EFCAB13: variants seen among roughly 807,000 people sequenced by gnomAD.
EFCAB13 encodes the protein EF-hand calcium binding domain 13, also known as EF-hand calcium-binding domain-containing protein 13.
In EFCAB13, 91 loss-of-function variants were observed where a neutral mutation model predicts 110.2. The observed-to-expected ratio is 0.83, with a 90% confidence interval of 0.70 to 0.98. The LOEUF (loss-of-function observed/expected upper bound fraction) is 0.98. EFCAB13 is among the 50% of genes least tolerant of loss of function. The pLI, the probability that EFCAB13 is intolerant of heterozygous loss-of-function variation, is 0.00. For missense variants in EFCAB13, 968 were observed against 1,119.4 expected (o/e 0.86, Z 1.93); for synonymous variants, 323 against 369.9 (o/e 0.87, Z 1.45).
At chr17:47,434,653 G>A (rs1905180006) in intron 24 of EFCAB13, among the ~76,000 whole-genome samples, 1 of 152,132 alleles carries the variant, frequency 6.6e-6, no homozygotes, top group South Asian at 2.1e-4. Flanking sequence ...ATACTGCAAG[G>A]CAGTAGTTAT....
At chr17:47,380,178 C>T (rs1455349924) in intron 14 of EFCAB13, among the ~76,000 whole-genome samples, 1 of 151,994 alleles carries the variant, frequency 6.6e-6, no homozygotes, top group Non-Finnish European at 1.5e-5. Context: ...TTTGCTGCAC[C>T]CTTCAACCCA....
intron 14 of EFCAB13, among the ~76,000 whole-genome samples, chr17:47,379,846 G>A (rs1321687959): frequency 1.3e-5 from 2 of 152,044 alleles, no homozygotes; most frequent in Non-Finnish European, 2.9e-5. Context: ...TTATACATAT[G>A]CTAAAAACGA....
rs1237385688 is a variant in EFCAB13, at chr17:47,379,235, A to C, written c.1564A>C (p.Ser522Arg). The C allele has an allele frequency of 6.2e-7, 1 of 1,613,256 alleles. No individual in the cohort carries two copies. The highest frequency in any genetic ancestry group is 8.5e-7 in the Non-Finnish European group (1 of 1,179,362). ...DFVNALAKER[S>R]FPECNALPGV... ...TGTAAATGCTCTCGCCAAGGAGCGA[A>C]GTTTTCCTGAATGCAATGGTAGGTA... Residue 522 changes from serine to arginine, a missense_variant, in exon 14 of 25, where the codon AGT becomes CGT. Transcript: ENST00000331493.
intron 5 of EFCAB13, among the ~76,000 whole-genome samples, chr17:47,338,600 A>G (rs1055750103): frequency 4.6e-5 from 7 of 152,002 alleles, no homozygotes; most frequent in Admixed American, 1.3e-4. Flanking sequence ...AATTGAAAAC[A>G]TTAGAGTGCT....
Position 47,328,324 on chromosome 17 carries a change from T to C in EFCAB13, c.-30T>C. The C allele has an allele frequency of 6.2e-7, 1 of 1,602,234 alleles. No homozygotes were observed. ...CTTGTTCATCAAAGCCTGGAGTCCTTAAGGACAGAATTTACCTCTAAACAG... is the reference window on the plus strand; with the variant it reads ...CTTGTTCATCAAAGCCTGGAGTCCTCAAGGACAGAATTTACCTCTAAACAG... On this transcript the variant is annotated 5_prime_UTR_variant, in exon 4 of 25. Coordinates refer to ENST00000331493, the MANE Select transcript of EFCAB13 (RefSeq NM_152347.5).
chr17:47,407,528 A>G (rs979609374), intron 20 of EFCAB13, among the ~76,000 whole-genome samples: 1 of 152,098 alleles, frequency 6.6e-6, no homozygotes, highest in Non-Finnish European at 1.5e-5. Flanking sequence ...CTCTGTTTGT[A>G]GCATTGAATG....
intron 4 of EFCAB13, among the ~76,000 whole-genome samples, chr17:47,334,126 GTTTT>G (rs139319285): frequency 6.7e-6 from 1 of 148,324 alleles, no homozygotes; most frequent in Non-Finnish European, 1.5e-5. Context: ...AAGTTTTATA[GTTTT>G]TTTTTTGTTA....
intron 23 of EFCAB13, among the ~76,000 whole-genome samples, chr17:47,423,023 C>A (rs187597463): frequency 1.4e-4 from 22 of 152,196 alleles, no homozygotes; most frequent in Non-Finnish European, 5.9e-5. Flanking sequence ...CAATGGAGCA[C>A]GGAAAGGATG....
chr17:47,345,813 C>G (rs1157695287), intron 8 of EFCAB13, among the ~76,000 whole-genome samples: 1 of 152,082 alleles, frequency 6.6e-6, no homozygotes, highest in East Asian at 1.9e-4. Flanking sequence ...GATTTCCAAC[C>G]TCAGCTGCCC....
rs759297917 is a variant in EFCAB13 at position 47,347,766 on chromosome 17, C to A, written c.518-42C>A. 3.8e-6 allele frequency: 5 copies of A among 1,330,326 alleles called. No individual in the cohort carries two copies. In the African/African-American group the frequency reaches 4.5e-5, roughly 12 times the overall value. The allele number at this position is 1,330,326 out of a possible 1,614,324, so 82.4% of individuals were successfully genotyped here. ...AGTGGGGGGAATAAGGATAATTATT[C>A]TTTTTGATTAACTAACTAAATGTTT... On this transcript the variant is annotated intron_variant, in intron 8 of 24. Transcript: ENST00000331493.
At position 47,438,774 on chromosome 17, in the gene EFCAB13, C is replaced by T. The variant is rs1056800593; in HGVS notation, c.2639-1657C>T. Among the ~76,000 whole-genome samples, 21 of 152,224 alleles carry T rather than the reference C, an allele frequency of 1.4e-4. 1 individual carries two copies. The highest frequency in any genetic ancestry group is 4.6e-4 in the African/African-American group (19 of 41,538). On this transcript the variant is annotated intron_variant, in intron 24 of 24. Transcript: ENST00000331493. The stretch of plus-strand genomic sequence containing the variant: ...CCCTGATTAGCTTAATAACTAACTT[C>T]GTGAACTCTTTTTCAGGTAAATCAG...
rs190550988 is a variant in EFCAB13 at position 47,374,567 on chromosome 17, T to C, written c.973T>C (p.Leu325=). 188 of 1,593,630 alleles carry C rather than the reference T, an allele frequency of 1.2e-4. 1 individual carries two copies. In the Middle Eastern group the frequency reaches 1.2e-3, roughly 10 times the overall value. ...CYLKYKKKNS[L]SSKLPEPSIS... ...TCTAAAATATAAGAAGAAAAATAGT[T>C]TGTCTTCCAAACTCCCTGAACCTTC... The change falls in exon 12 of 25, where the codon TTG becomes CTG. Residue 325 remains leucine, a synonymous_variant. Transcript: ENST00000331493.
intron 14 of EFCAB13, among the ~76,000 whole-genome samples, chr17:47,382,749 T>G (rs993431229): frequency 1.3e-5 from 2 of 152,200 alleles, no homozygotes; most frequent in Non-Finnish European, 2.9e-5. Flanking sequence ...ATTTTCTTTT[T>G]TTGTTGTGTT....
chr17:47,375,592 G>A (rs995260055), intron 12 of EFCAB13, among the ~76,000 whole-genome samples: 3 of 151,906 alleles, frequency 2.0e-5, no homozygotes, highest in Non-Finnish European at 2.9e-5. Flanking sequence ...CACCACGTCC[G>A]GCCTGCCACT....
intron 23 of EFCAB13, among the ~76,000 whole-genome samples, chr17:47,419,929 T>TCTCCCTCTCCCTCTCC (rs1338980202): frequency 1.8e-4 from 27 of 151,630 alleles, no homozygotes; most frequent in Middle Eastern, 3.4e-3. Context: ...TCCCTCTCCC[T>TCTCCCTCTCCCTCTCC]CTCCCTCTCC....
Position 47,383,508 on chromosome 17 carries a change from T to G in EFCAB13, c.1582+4255T>G, listed in dbSNP as rs551429123. On this transcript the variant is annotated intron_variant, in intron 14 of 24. Coordinates refer to ENST00000331493, the MANE Select transcript of EFCAB13 (RefSeq NM_152347.5). Reference sequence around the variant, plus strand: ...TTGTTCTCATTGGTTTCAAGTAACTTATTTATTTCTGCCTTCATTTCATTA... The same window carrying G: ...TTGTTCTCATTGGTTTCAAGTAACTGATTTATTTCTGCCTTCATTTCATTA... Among the ~76,000 whole-genome samples the G allele has an allele frequency of 1.9e-4, 29 of 152,318 alleles. 1 individual carries two copies. The highest frequency in any genetic ancestry group is 6.5e-4 in the African/African-American group (27 of 41,562).
At position 47,440,657 on chromosome 17, in the gene EFCAB13, C is replaced by T; in HGVS notation, c.2865C>T (p.Asn955=). ...NIKQHKISLH[N]FCLNSKANIA... ...AACAACACAAGATTAGTTTACATAA[C>T]TTCTGTTTGAATTCTAAGGCAAATA... Residue 955 remains asparagine (N), a synonymous_variant, in exon 25 of 25, where the codon AAC becomes AAT. Coordinates refer to ENST00000331493, the MANE Select transcript of EFCAB13 (RefSeq NM_152347.5). 1.9e-6 allele frequency: 3 copies of T among 1,603,508 alleles called. No individual in the cohort carries two copies. In the South Asian group the frequency reaches 3.4e-5, roughly 18 times the overall value.
At chr17:47,385,150 GTGGTATTCTC>G in intron 14 of EFCAB13, among the ~76,000 whole-genome samples, 1 of 152,238 alleles carries the variant, frequency 6.6e-6, no homozygotes, top group African/African-American at 2.4e-5. Flanking sequence ...GAGTATCTTA[GTGGTATTCTC>G]TGTATTTCCT....
At position 47,432,181 on chromosome 17, in the gene EFCAB13, C is replaced by T. The variant is rs181036104; in HGVS notation, c.2638+2220C>T. ...CTTTGGGAGGCCGAGGCAGGTGGAT[C>T]ACGAGGTCAGATCAAGACCATCCTG... On this transcript the variant is annotated intron_variant, in intron 24 of 24. Transcript: ENST00000331493. Among the ~76,000 whole-genome samples the T allele has an allele frequency of 7.6e-3, 1,151 of 152,120 alleles. 9 individuals are homozygous for T. The highest frequency in any genetic ancestry group is 0.011 in the Non-Finnish European group (775 of 67,986).
Sources: allele counts gnomAD v4.1 joint callset (sites outside exome capture counted in the v4.1 genomes callset), GRCh38; gene constraint gnomAD v4.1.1; transcripts MANE v1.5; gene names NCBI Gene and HGNC (gene_info 2026-07-23, HGNC 2026-07-21).